The following SRFBP1 variants were observed in gnomAD, a reference collection of about 807,000 sequenced individuals.
SRFBP1 encodes serum response factor-binding protein 1.
A neutral mutation model predicts 45.5 loss-of-function variants in SRFBP1; 47 were observed. The ratio of observed to expected loss-of-function variants is 1.03; its 90% confidence interval spans 0.82 to 1.32. The LOEUF is 1.32. SRFBP1 is among the 40% of genes most tolerant of loss of function. The probability of loss-of-function intolerance (pLI) is 0.00; values close to 1 mark genes in which losing one functional copy is unlikely to be tolerated. For missense variants in SRFBP1, 621 were observed against 484.6 expected (o/e 1.28, Z -2.64); for synonymous variants, 203 against 166.3 (o/e 1.22, Z -1.70).
At chr5:122,016,478 C>G (rs1753196036) in intron 4 of SRFBP1, among the ~76,000 whole-genome samples, 1 of 152,046 alleles carries the variant, frequency 6.6e-6, no homozygotes, top group Non-Finnish European at 1.5e-5. Flanking sequence ...ATCTGTGCGT[C>G]TTTTCTTTTT....
chr5:122,060,898 G>T (rs1004931536), intron 2 of SRFBP1, among the ~76,000 whole-genome samples: 1 of 152,068 alleles, frequency 6.6e-6, no homozygotes, highest in Admixed American at 6.6e-5. Flanking sequence ...TATGCCTGTC[G>T]GCAGAAACCA....
intron 3 of SRFBP1, among the ~76,000 whole-genome samples, chr5:121,981,212 G>A (rs1281654682): frequency 1.3e-5 from 2 of 151,826 alleles, no homozygotes; most frequent in Non-Finnish European, 2.9e-5. Flanking sequence ...CTAAAATTTC[G>A]ATTTTAGGAA....
At chr5:121,985,015 C>G (rs896571681) in intron 3 of SRFBP1, among the ~76,000 whole-genome samples, 1 of 151,800 alleles carries the variant, frequency 6.6e-6, no homozygotes, top group Non-Finnish European at 1.5e-5. Flanking sequence ...GACCAAAACA[C>G]TTTATTTTGG....
intron 7 of SRFBP1, among the ~76,000 whole-genome samples, chr5:122,025,001 T>C (rs569849037): frequency 5.8e-4 from 88 of 152,246 alleles, no homozygotes; most frequent in African/African-American, 2.1e-3. Context: ...AGAGTACATG[T>C]GCACAACGTG....
At chr5:122,023,898 ATTTG>A (rs1753414910) in intron 7 of SRFBP1, among the ~76,000 whole-genome samples, 1 of 151,958 alleles carries the variant, frequency 6.6e-6, no homozygotes, top group Admixed American at 6.6e-5. Flanking sequence ...AACTTGTCTT[ATTTG>A]TTTGTGTTTT....
At chr5:122,011,003 G>A (rs1753082001) in intron 4 of SRFBP1, among the ~76,000 whole-genome samples, 2 of 152,022 alleles carry the variant, frequency 1.3e-5, no homozygotes, top group Admixed American at 6.6e-5. Flanking sequence ...ACAGCCAAAT[G>A]GACTGTTTGC....
chr5:121,995,672 C>T (rs1752708959), intron 4 of SRFBP1, among the ~76,000 whole-genome samples: 1 of 152,042 alleles, frequency 6.6e-6, no homozygotes, highest in African/African-American at 2.4e-5. Context: ...CAGAGCAGAA[C>T]TCAAGGAAAT....
At chr5:121,991,975 A>G (rs1752630203) in intron 3 of SRFBP1, among the ~76,000 whole-genome samples, 1 of 152,178 alleles carries the variant, frequency 6.6e-6, no homozygotes. Flanking sequence ...TATTGGCATT[A>G]TTTATGGCAC....
chr5:122,044,512 A>G (rs1025998865), intron 2 of SRFBP1, among the ~76,000 whole-genome samples: 2 of 150,822 alleles, frequency 1.3e-5, no homozygotes, highest in South Asian at 2.1e-4. Context: ...GCCAGCATCT[A>G]TTATTTTTTT....
At chr5:122,026,162 G>T (rs75970968) in intron 7 of SRFBP1, among the ~76,000 whole-genome samples, 6,750 of 152,282 alleles carry the variant, frequency 0.044, 174 homozygotes, top group African/African-American at 0.06. Flanking sequence ...GACTGATTAA[G>T]AAGTCTATAT....
At chr5:122,056,190 G>GA (rs150322690) in intron 2 of SRFBP1, among the ~76,000 whole-genome samples, 1 of 152,030 alleles carries the variant, frequency 6.6e-6, no homozygotes, top group Non-Finnish European at 1.5e-5. Flanking sequence ...TTTAGAGACA[G>GA]AAAAAACAGC....
In SRFBP1 at chr5:122,049,580, T is replaced by A. The variant is rs145731364; in HGVS notation, n.312-25735T>A. Reference sequence around the variant, plus strand: ...GAAATCAACAGAATATACATTCTTCTCAGCACCACCCCGCACTTATACCAA... The same window carrying A: ...GAAATCAACAGAATATACATTCTTCACAGCACCACCCCGCACTTATACCAA... On this transcript the variant is annotated intron_variant and non_coding_transcript_variant, in intron 2 of 2. Transcript: ENST00000504881. Among the ~76,000 whole-genome samples the A allele has an allele frequency of 5.0e-3, 760 of 152,278 alleles. 10 individuals are homozygous for A. The highest frequency in any genetic ancestry group is 0.017 in the African/African-American group (717 of 41,552).
At chr5:121,974,927 A>G (rs1365569607) in intron 2 of SRFBP1, among the ~76,000 whole-genome samples, 1 of 151,882 alleles carries the variant, frequency 6.6e-6, no homozygotes, top group African/African-American at 2.4e-5. Flanking sequence ...TTTTCCTTAA[A>G]TGCCAGAGAG....
chr5:121,970,444 C>T (rs943309248), intron 1 of SRFBP1, among the ~76,000 whole-genome samples: 6 of 152,032 alleles, frequency 3.9e-5, no homozygotes, highest in Non-Finnish European at 8.8e-5. Context: ...TTTTAATGTG[C>T]AGTTCATCGC....
chr5:121,984,136 C>T (rs1468219867), intron 3 of SRFBP1, among the ~76,000 whole-genome samples: 2 of 151,792 alleles, frequency 1.3e-5, no homozygotes, highest in African/African-American at 4.8e-5. Context: ...TCACAGCTTT[C>T]ACCAACCTCT....
chr5:121,968,970 C>A (rs1212555422), intron 1 of SRFBP1, among the ~76,000 whole-genome samples: 1 of 152,154 alleles, frequency 6.6e-6, no homozygotes, highest in East Asian at 1.9e-4. Context: ...AACTCAAAAA[C>A]ATGGTAAAGT....
chr5:121,975,117 T>G (rs1752275355), intron 2 of SRFBP1, among the ~76,000 whole-genome samples, 198 bp from the exon 3 acceptor site: 1 of 152,012 alleles, frequency 6.6e-6, no homozygotes, highest in Non-Finnish European at 1.5e-5. Context: ...ATTTTTGCCA[T>G]TTTCCAACAT....
At chr5:121,968,017 C>G (rs1216066948) in intron 1 of SRFBP1, among the ~76,000 whole-genome samples, 2 of 152,046 alleles carry the variant, frequency 1.3e-5, no homozygotes, top group African/African-American at 4.8e-5. Context: ...AATTATTCCT[C>G]TTGGTGTGTG....
chr5:122,055,738 G>A (rs183986459), intron 2 of SRFBP1, among the ~76,000 whole-genome samples: 29 of 152,168 alleles, frequency 1.9e-4, no homozygotes, highest in Middle Eastern at 3.4e-3. Context: ...TAGACAAATA[G>A]CAAATATTGT....
Sources: allele counts gnomAD v4.1 joint callset (sites outside exome capture counted in the v4.1 genomes callset), GRCh38; gene constraint gnomAD v4.1.1; transcripts MANE v1.5; gene names NCBI Gene and HGNC (gene_info 2026-07-23, HGNC 2026-07-21).